CNTNAP2: variants seen among roughly 807,000 people sequenced by gnomAD.
CNTNAP2 encodes contactin-associated protein-like 2.
In CNTNAP2, 98 loss-of-function variants were observed where a neutral mutation model predicts 155.2. That is an observed-to-expected ratio of 0.63 (90% confidence interval 0.54 to 0.75). The LOEUF is 0.75. CNTNAP2 is among the 30% of genes least tolerant of loss of function. The pLI is 0.00. For missense variants in CNTNAP2, 1,727 were observed against 1,688.1 expected (o/e 1.02, Z -0.40); for synonymous variants, 651 against 631.2 (o/e 1.03, Z -0.47).
At chr7:147,343,508 T>A (rs1254593455) in intron 9 of CNTNAP2, among the ~76,000 whole-genome samples, 26 of 152,178 alleles carry the variant, frequency 1.7e-4, no homozygotes, top group Admixed American at 1.6e-3. Context: ...TTTGGGCACA[T>A]CCTGATACAC....
intron 14 of CNTNAP2, among the ~76,000 whole-genome samples, chr7:147,963,361 A>G (rs2707592): frequency 0.67 from 101,709 of 151,996 alleles, 38,061 homozygotes; most frequent in South Asian, 0.87. Context: ...TCTGTTATCT[A>G]TGGATAATAC....
At chr7:146,934,773 G>T (rs1177656891) in intron 3 of CNTNAP2, among the ~76,000 whole-genome samples, 1 of 152,104 alleles carries the variant, frequency 6.6e-6, no homozygotes, top group African/African-American at 2.4e-5. Context: ...GGGAAGAGGG[G>T]ACTTACATTA....
intron 1 of CNTNAP2, among the ~76,000 whole-genome samples, chr7:146,527,253 C>T (rs1797704214): frequency 6.6e-6 from 1 of 152,064 alleles, no homozygotes; most frequent in South Asian, 2.1e-4. Flanking sequence ...ACACAAGGAA[C>T]CCCAAGAAGA....
intron 1 of CNTNAP2, among the ~76,000 whole-genome samples, chr7:146,688,537 G>T (rs926327613): frequency 2.6e-5 from 4 of 152,042 alleles, no homozygotes; most frequent in African/African-American, 9.7e-5. Context: ...CAGGGGCAGG[G>T]GTCACAAGGT....
chr7:147,347,288 A>G (rs1795880503), intron 9 of CNTNAP2, among the ~76,000 whole-genome samples: 1 of 151,954 alleles, frequency 6.6e-6, no homozygotes, highest in South Asian at 2.1e-4. Context: ...TTGCAACCCT[A>G]AAAGAGAGCT....
In CNTNAP2 at chr7:148,061,900, T is replaced by C. The variant is rs201695057; in HGVS notation, c.2384-56218T>C. Among the ~76,000 whole-genome samples, 383 of 122,732 alleles carry C rather than the reference T, an allele frequency of 3.1e-3. 6 individuals are homozygous for C. Among genetic ancestry groups the C allele is most frequent in the East Asian group, 0.012 (40 of 3,304 alleles). 80.5% of individuals were successfully genotyped at this position (122,732 alleles called of 152,430 possible). A position where few individuals can be genotyped will look rare whatever the true frequency, so the allele number is the denominator to read the frequency against. On this transcript the variant is annotated intron_variant, in intron 15 of 23. Coordinates refer to ENST00000361727, the MANE Select transcript of CNTNAP2 (RefSeq NM_014141.6). ...AGATATAGATAGATAGATAGATAGATAGATAGATAGATAAACAGATATAGA... is the reference window on the plus strand; with the variant it reads ...AGATATAGATAGATAGATAGATAGACAGATAGATAGATAAACAGATATAGA...
In CNTNAP2 at chr7:147,102,282, G is replaced by GA. The variant is rs555981471; in HGVS notation, c.551-5850dup. Among the ~76,000 whole-genome samples the GA allele has an allele frequency of 1.1e-3, 120 of 110,566 alleles. 2 individuals carry two copies. The highest frequency in any genetic ancestry group is 1.5e-3 in the East Asian group (6 of 3,872). 72.5% of individuals were successfully genotyped at this position (110,566 alleles called of 152,430 possible). On this transcript the variant is annotated intron_variant, in intron 4 of 23. Coordinates refer to ENST00000361727, the MANE Select transcript of CNTNAP2 (RefSeq NM_014141.6). ...GTCGCTAAATGTAGGTAGGCAAAAA[G>GA]AAAAAAAAAAAAAAAGAAGCTCAAG...
chr7:147,478,891 T>G (rs949433617), intron 10 of CNTNAP2, among the ~76,000 whole-genome samples: 3 of 152,248 alleles, frequency 2.0e-5, no homozygotes, highest in Admixed American at 6.5e-5. Flanking sequence ...TTAGGATGCC[T>G]GACTCTTTCC....
At chr7:147,470,844 T>G (rs1798204250) in intron 10 of CNTNAP2, among the ~76,000 whole-genome samples, 1 of 152,054 alleles carries the variant, frequency 6.6e-6, no homozygotes, top group African/African-American at 2.4e-5. Context: ...GTCCTTATAA[T>G]GAGATGAGAT....
intron 15 of CNTNAP2, among the ~76,000 whole-genome samples, chr7:148,105,338 A>G (rs1225546736): frequency 6.6e-6 from 1 of 152,154 alleles, no homozygotes; most frequent in Non-Finnish European, 1.5e-5. Context: ...CAAAAAGAGG[A>G]AACAGTGCAA....
chr7:146,354,691 G>A (rs940818620), intron 1 of CNTNAP2, among the ~76,000 whole-genome samples: 9 of 152,112 alleles, frequency 5.9e-5, no homozygotes, highest in Admixed American at 2.0e-4. Context: ...CTAGGATTAC[G>A]GAAGTGAGCC....
Position 146,671,454 on chromosome 7 carries a change from G to C in CNTNAP2, c.98-102817G>C, listed in dbSNP as rs79763219. Reference sequence around the variant, plus strand: ...TCACACACACACACACACACACACGGACACACATATACAAAAGCAACCCTG... The same window carrying C: ...TCACACACACACACACACACACACGCACACACATATACAAAAGCAACCCTG... On this transcript the variant is annotated intron_variant, in intron 1 of 23. Transcript: ENST00000361727. 8.6e-3 allele frequency among the ~76,000 whole-genome samples: 544 copies of C among 63,014 alleles called. 1 individual carries two copies. Among genetic ancestry groups the C allele is most frequent in the African/African-American group, 0.018 (521 of 29,692 alleles). The allele number at this position is 63,014 out of a possible 152,430, so 41.3% of individuals were successfully genotyped here.
intron 3 of CNTNAP2, among the ~76,000 whole-genome samples, chr7:146,990,317 C>T (rs1798188030): frequency 6.6e-6 from 1 of 152,140 alleles, no homozygotes; most frequent in Non-Finnish European, 1.5e-5. Context: ...GAATGTTTTA[C>T]AAAACTTGGC....
At chr7:148,240,405 AG>A (rs368482160) in intron 20 of CNTNAP2, among the ~76,000 whole-genome samples, 118 of 152,286 alleles carry the variant, frequency 7.7e-4, no homozygotes, top group African/African-American at 2.7e-3. Flanking sequence ...AATAATAAAA[AG>A]GGTATCCAGC....
In CNTNAP2 at chr7:147,448,488, A is replaced by G. The variant is rs868027703; in HGVS notation, c.1671-37447A>G. 8.5e-3 allele frequency among the ~76,000 whole-genome samples: 1,259 copies of G among 148,796 alleles called. 20 individuals are homozygous for G. The highest frequency in any genetic ancestry group is 0.029 in the African/African-American group (1,197 of 40,922). ...AAACCAAATATGTGTGTGTGTGTAT[A>G]TATATATATATATATATGCACCCCC... On this transcript the variant is annotated intron_variant, in intron 10 of 23. Transcript: ENST00000361727.
intron 22 of CNTNAP2, among the ~76,000 whole-genome samples, chr7:148,392,459 C>T (rs1382186845): frequency 6.6e-6 from 1 of 152,176 alleles, no homozygotes; most frequent in Non-Finnish European, 1.5e-5. Flanking sequence ...GTGCATCTCA[C>T]CCCAGAAAGG....
At chr7:147,422,614 A>G (rs1487925699) in intron 10 of CNTNAP2, among the ~76,000 whole-genome samples, 5 of 152,098 alleles carry the variant, frequency 3.3e-5, no homozygotes, top group Non-Finnish European at 7.4e-5. Context: ...CACTGAAGGG[A>G]TAGTTCAGGA....
intron 13 of CNTNAP2, among the ~76,000 whole-genome samples, chr7:147,752,328 A>ATT (rs67882869): frequency 4.6e-5 from 7 of 152,004 alleles, no homozygotes; most frequent in East Asian, 1.9e-4. Context: ...TCCCTGAACC[A>ATT]TTTTTTTTCT....
At chr7:148,381,596 G>A (rs966297720) in intron 21 of CNTNAP2, 3 of 152,260 alleles carry the variant, frequency 2.0e-5, no homozygotes, top group African/African-American at 7.2e-5. Flanking sequence ...TCTGCCAGCT[G>A]AGTATGGGGT....
Sources: allele counts gnomAD v4.1 joint callset (sites outside exome capture counted in the v4.1 genomes callset), GRCh38; gene constraint gnomAD v4.1.1; transcripts MANE v1.5; gene names NCBI Gene and HGNC (gene_info 2026-07-23, HGNC 2026-07-21).